The following MLLT1 variants were observed in gnomAD, a reference collection of about 807,000 sequenced individuals.
The protein encoded by MLLT1 is MLLT1 super elongation complex subunit.
Under a neutral mutation model 55.1 loss-of-function variants are expected in MLLT1, and 11 were observed. That is an observed-to-expected ratio of 0.20 (90% confidence interval 0.13 to 0.33). The LOEUF is 0.33. MLLT1 is among the 10% of genes least tolerant of loss of function. MLLT1 has a pLI of 1.00. For missense variants in MLLT1, 536 were observed against 760.6 expected, an observed-to-expected ratio of 0.70 and a Z score of 3.47; for synonymous variants, 323 against 320.1, an observed-to-expected ratio of 1.01 and a Z score of -0.10.
intron 3 of MLLT1, among the ~76,000 whole-genome samples, chr19:6,236,882 C>G (rs1271048345): frequency 6.6e-6 from 1 of 152,238 alleles, no homozygotes; most frequent in Non-Finnish European, 1.5e-5. Flanking sequence ...TCCAGCCGGA[C>G]TGTGCTGTGA....
rs1224273099 is a variant in MLLT1, at chr19:6,240,224, GC to G, written c.277-9512del. 6.6e-5 allele frequency among the ~76,000 whole-genome samples: 10 copies of G among 152,152 alleles called. No homozygotes were observed. The highest frequency in any genetic ancestry group is 1.2e-4 in the Non-Finnish European group (8 of 68,012). On this transcript the variant is annotated intron_variant, in intron 3 of 11. Transcript: ENST00000252674. The surrounding 1 kb of genome is among the most constrained non-coding windows in gnomAD (Gnocchi z 4.7). ...AGGCCAGGGAGACCCCAGAGGCCCC[GC>G]CCCCTCCCACACATGTGCTCAGGGC...
chr19:6,215,168 G>A (rs1218978935), intron 8 of MLLT1, among the ~76,000 whole-genome samples: 1 of 152,216 alleles, frequency 6.6e-6, no homozygotes, highest in African/African-American at 2.4e-5. Context: ...CCCTGCCCCG[G>A]CAACGCAGGG....
intron 1 of MLLT1, among the ~76,000 whole-genome samples, chr19:6,278,245 G>A (rs1319355277): frequency 1.3e-5 from 2 of 152,326 alleles, no homozygotes; most frequent in Admixed American, 6.5e-5. Context: ...AGAGGAGGAG[G>A]AAGAAATGAT....
chr19:6,250,743 T>G (rs771492417), intron 3 of MLLT1, among the ~76,000 whole-genome samples: 3 of 152,134 alleles, frequency 2.0e-5, no homozygotes, highest in Non-Finnish European at 2.9e-5. Flanking sequence ...GAGGGCCAAC[T>G]GTATACCCAA....
In MLLT1 at chr19:6,230,451, G is replaced by T; in HGVS notation, c.420+119C>A. 1.6e-6 allele frequency: 2 copies of T among 1,264,254 alleles called. No individual in the cohort carries two copies. Among genetic ancestry groups the T allele is most frequent in the Non-Finnish European group, 2.2e-6 (2 of 921,700 alleles). The allele number at this position is 1,264,254 out of a possible 1,614,324, so 78.3% of individuals were successfully genotyped here. On this transcript the variant is annotated intron_variant, in intron 4 of 11. Coordinates refer to ENST00000252674, the MANE Select transcript of MLLT1 (RefSeq NM_005934.4). This position sits in a 1 kb window ranked among gnomAD's most constrained non-coding sequence, Gnocchi z 9.0. The stretch of plus-strand genomic sequence containing the variant: ...CTCCAGCTCTGCTGGGTGCTGCCGT[G>T]TGACCTGCGCCTTGGGTCTCGGCCC...
Position 6,210,773 on chromosome 19 carries a change from C to A in MLLT1, c.*2269G>T, listed in dbSNP as rs1043078576. ...CCAGAGCCCTCGTGGGCCCAGCCGC[C>A]GGGCAGCTGGGGTGGGGTGGGAGAG... is the stretch of plus-strand genomic sequence containing the variant. On this transcript the variant is annotated 3_prime_UTR_variant, in exon 12 of 12. Coordinates refer to ENST00000252674, the MANE Select transcript of MLLT1 (RefSeq NM_005934.4). The surrounding 1 kb of genome is among the most constrained non-coding windows in gnomAD (Gnocchi z 4.6). 5 of 229,284 alleles carry A rather than the reference C, an allele frequency of 2.2e-5. No individual in the cohort carries two copies. Among genetic ancestry groups the A allele is most frequent in the East Asian group, 6.2e-5 (1 of 16,184 alleles). 14.2% of individuals were successfully genotyped at this position (229,284 alleles called of 1,614,324 possible).
chr19:6,214,091 C>T (rs2090812429), intron 8 of MLLT1, 53 bp from the exon 9 acceptor site: 5 of 1,181,042 alleles, frequency 4.2e-6, no homozygotes, highest in Middle Eastern at 2.9e-4. Context: ...ACGGCCCCCA[C>T]CCCACCCCCA....
At chr19:6,215,362 G>A (rs1282220627) in intron 8 of MLLT1, among the ~76,000 whole-genome samples, 1 of 152,332 alleles carries the variant, frequency 6.6e-6, no homozygotes, top group African/African-American at 2.4e-5. Flanking sequence ...GTCACCGAAC[G>A]AGGCGGGAGC....
chr19:6,231,161 ACAGACTCAAACGACAGCACAGCACC>A lies in MLLT1; in HGVS notation c.277-473_277-449del, dbSNP rs1373568620. On this transcript the variant is annotated intron_variant, in intron 3 of 11. Coordinates refer to ENST00000252674, the MANE Select transcript of MLLT1 (RefSeq NM_005934.4). This position sits in a 1 kb window ranked among gnomAD's most constrained non-coding sequence, Gnocchi z 5.1. The stretch of plus-strand genomic sequence containing the variant: ...GCCCGACAGACGCAGGACACAGGAC[ACAGACTCAAACGACAGCACAGCACC>A]CAGAGGGGGCAAAAGTACAAGGTCA... Among the ~76,000 whole-genome samples the A allele has an allele frequency of 2.6e-5, 4 of 152,202 alleles. No individual in the cohort carries two copies. Among genetic ancestry groups the A allele is most frequent in the Non-Finnish European group, 4.4e-5 (3 of 68,040 alleles).
intron 7 of MLLT1, 77 bp from the exon 8 acceptor site, chr19:6,216,590 G>A (rs1181641036): frequency 1.5e-5 from 15 of 1,015,322 alleles, no homozygotes; most frequent in Non-Finnish European, 2.0e-5. Flanking sequence ...CGCCCATGAG[G>A]CCACGCAGAG....
chr19:6,216,461 G>GTCC lies in MLLT1; in HGVS notation c.1248_1250dup (p.Glu416dup). 6.2e-7 allele frequency: 1 copy of GTCC among 1,609,104 alleles called. No homozygotes were observed. The highest frequency in any genetic ancestry group is 8.5e-7 in the Non-Finnish European group (1 of 1,178,574). On this transcript the variant is annotated inframe_insertion, in exon 8 of 12. Coordinates refer to ENST00000252674, the MANE Select transcript of MLLT1 (RefSeq NM_005934.4). ...CAGCCTCCTCGCCTGACGAAGAGTC[G>GTCC]TCCTCGTCGGACTCCTCGGACTGCA...
Position 6,212,518 on chromosome 19 carries a change from C to A in MLLT1, c.*524G>T. The A allele has an allele frequency of 9.3e-7, 1 of 1,080,772 alleles. No homozygotes were observed. Among genetic ancestry groups the A allele is most frequent in the Non-Finnish European group, 1.1e-6 (1 of 890,114 alleles). 66.9% of individuals were successfully genotyped at this position (1,080,772 alleles called of 1,614,324 possible). A position where few individuals can be genotyped will look rare whatever the true frequency, so the allele number is the denominator to read the frequency against. ...ATAGAGAGAACTATACAGCACAGAC[C>A]CCAGCGCAGCGCGAGCCGGGGAGGA... On this transcript the variant is annotated 3_prime_UTR_variant, in exon 12 of 12. Transcript: ENST00000252674.
intron 3 of MLLT1, among the ~76,000 whole-genome samples, chr19:6,239,716 A>C (rs541885831): frequency 5.9e-5 from 9 of 151,706 alleles, no homozygotes; most frequent in South Asian, 4.2e-4. Flanking sequence ...GTACACACAC[A>C]CCCCCACACT....
Position 6,242,403 on chromosome 19 carries a change from C to T in MLLT1, c.277-11690G>A, listed in dbSNP as rs80258818. Among the ~76,000 whole-genome samples the T allele has an allele frequency of 4.2e-3, 638 of 152,326 alleles. 6 individuals carry two copies. The highest frequency in any genetic ancestry group is 0.015 in the African/African-American group (608 of 41,570). On this transcript the variant is annotated intron_variant, in intron 3 of 11. Coordinates refer to ENST00000252674, the MANE Select transcript of MLLT1 (RefSeq NM_005934.4). ...TTTAACTTACTTTTAAAACTCTCCA[C>T]GTAATGCCCTTCCTGTGCCCTCGGA...
chr19:6,232,598 A>T (rs1446897044), intron 3 of MLLT1, among the ~76,000 whole-genome samples: 1 of 152,224 alleles, frequency 6.6e-6, no homozygotes, highest in Non-Finnish European at 1.5e-5. Context: ...CTTCGGAAAC[A>T]TTTCAAAATT....
rs754412051 is a variant in MLLT1, at chr19:6,222,437, C to A, written c.794G>T (p.Ser265Ile). 12 of 1,551,952 alleles carry A rather than the reference C, an allele frequency of 7.7e-6. No homozygotes were observed. In the South Asian group the frequency reaches 1.2e-4, roughly 15 times the overall value. ...TGGGGGCCCACCCTTGGGGGACGTG[C>A]TTTCCAGCTTGGTCTCTTTCAGGGC... Reference protein sequence around the residue: ...KMALKETKLESTSPKGGPPPP... With the variant: ...KMALKETKLEITSPKGGPPPP... Residue 265 changes from serine (S) to isoleucine (I), a missense_variant, in exon 6 of 12, where the codon AGC (serine) becomes ATC (isoleucine). Transcript: ENST00000252674. This position sits in a 1 kb window ranked among gnomAD's most constrained non-coding sequence, Gnocchi z 4.1.
rs144442769 is a variant in MLLT1 at position 6,278,087 on chromosome 19, C to CATGA, written c.12+1682_12+1685dup. On this transcript the variant is annotated intron_variant, in intron 1 of 11. Coordinates refer to ENST00000252674, the MANE Select transcript of MLLT1 (RefSeq NM_005934.4). ...GGAGGGAGGATTCTTGCCCCCCACC[C>CATGA]ATGAAACCACACAGACAGTGCCACT... Among the ~76,000 whole-genome samples the CATGA allele has an allele frequency of 0.012, 1,856 of 152,286 alleles. 72 individuals carry two copies. The East Asian group carries it at 0.13, about 11-fold the overall frequency.
chr19:6,265,516 C>G (rs1478553381), intron 2 of MLLT1, among the ~76,000 whole-genome samples: 3 of 151,966 alleles, frequency 2.0e-5, no homozygotes, highest in Admixed American at 2.0e-4. Flanking sequence ...AATAAAAATA[C>G]AAAATTAGCA....
At position 6,266,236 on chromosome 19, in the gene MLLT1, A is replaced by T. The variant is rs550127222; in HGVS notation, c.194-3926T>A. On this transcript the variant is annotated intron_variant, in intron 2 of 11. Transcript: ENST00000252674. ...GGCTGCAGTAAGCTGTGATCACAAC[A>T]CTGCACTCCAGTCTGGGTGGCAGAA... Among the ~76,000 whole-genome samples the T allele has an allele frequency of 6.1e-5, 9 of 146,738 alleles. No individual in the cohort carries two copies. The South Asian group carries it at 2.0e-3, about 32-fold the overall frequency.
Sources: gnomAD v4.1 joint callset for allele counts (sites outside exome capture counted in the v4.1 genomes callset) on GRCh38, gnomAD v4.1.1 for gene constraint, Gnocchi (gnomAD v3.1) non-coding constraint, MANE v1.5 for transcripts, NCBI Gene and HGNC (gene_info 2026-07-23, HGNC 2026-07-21) for gene names.